Variants in SMCHD1 observed in about 807,000 individuals in gnomAD.
SMCHD1 encodes the protein structural maintenance of chromosomes flexible hinge domain-containing protein 1.
SMCHD1 carries 78 observed loss-of-function variants against 254.7 expected under a neutral mutation model. That is an observed-to-expected ratio of 0.31 (90% confidence interval 0.26 to 0.37). The LOEUF (loss-of-function observed/expected upper bound fraction) is 0.37, where lower values mean the gene tolerates loss of function less well. Ranked by LOEUF, SMCHD1 falls within the 10% of genes least tolerant of loss-of-function variation. The pLI is 1.00. For synonymous variants in SMCHD1, 766 were observed against 794.9 expected, an observed-to-expected ratio of 0.96 and a Z score of 0.61; for missense variants, 1,840 against 2,408.1, an observed-to-expected ratio of 0.76 and a Z score of 4.94.
In SMCHD1 at chr18:2,697,015, A is replaced by G. The variant is rs1265347983; in HGVS notation, c.1041-17A>G. ...TTATGTGAATTAAAAGTATAAAATT[A>G]TTCTTCTCTATTTTAGGCATATTTA... On this transcript the variant is annotated splice_polypyrimidine_tract_variant and intron_variant, in intron 8 of 47. Transcript: ENST00000320876. The G allele has an allele frequency of 2.8e-6, 3 of 1,081,912 alleles. No individual in the cohort carries two copies. Among genetic ancestry groups the G allele is most frequent in the African/African-American group, 1.6e-5 (1 of 61,256 alleles). 67.0% of individuals were successfully genotyped at this position (1,081,912 alleles called of 1,614,324 possible). A position where few individuals can be genotyped will look rare whatever the true frequency, so the allele number is the denominator to read the frequency against.
At chr18:2,722,828 A>G (rs185643998) in intron 20 of SMCHD1, among the ~76,000 whole-genome samples, 165 bp downstream of exon 20, 8 of 152,264 alleles carry the variant, frequency 5.3e-5, no homozygotes, top group Non-Finnish European at 1.0e-4. Context: ...ATCCTCTGTG[A>G]CTAGTGTCAT....
chr18:2,760,777 C>A, intron 35 of SMCHD1, 38 bp downstream of exon 35: 2 of 1,248,968 alleles, frequency 1.6e-6, no homozygotes, highest in Non-Finnish European at 2.3e-6. Context: ...GTTAGCTTTA[C>A]ATTTTCTTTT....
rs2073682471 is a variant in SMCHD1 at position 2,674,056 on chromosome 18, A to G, written c.549A>G (p.Ile183Met). The G allele has an allele frequency of 6.3e-7, 1 of 1,598,738 alleles. No homozygotes were observed. Among genetic ancestry groups the G allele is most frequent in the Non-Finnish European group, 8.5e-7 (1 of 1,171,890 alleles). The change falls in exon 5 of 48, where the codon ATA (isoleucine) becomes ATG (methionine). Residue 183 changes from isoleucine to methionine, a missense_variant. Physicochemically the swap from Ile to Met is conservative, Grantham distance 10 (BLOSUM62 1). Coordinates refer to ENST00000320876, the MANE Select transcript of SMCHD1 (RefSeq NM_015295.3). ...AAGGAAAACCTGCTGTTGCAGTGATAGATAATGGAAGAGGAATGACCTCTA... is the reference window on the plus strand; with the variant it reads ...AAGGAAAACCTGCTGTTGCAGTGATGGATAATGGAAGAGGAATGACCTCTA... Reference protein sequence around the residue: ...ETQGKPAVAVIDNGRGMTSKQ... With the variant: ...ETQGKPAVAVMDNGRGMTSKQ...
chr18:2,718,159 T>G lies in SMCHD1; in HGVS notation c.2262T>G (p.Ser754=). ...LLVELKVILH[S]SSGNKEIISH... ...TTGTTTCTTTTTTCTTTTATTAAGC[T>G]TCAAGTGGAAATAAAGAGATTATTT... The change falls in exon 18 of 48, where the codon TCT becomes TCG. Residue 754 remains serine (S), a splice_region_variant and synonymous_variant. Transcript: ENST00000320876. The surrounding 1 kb of genome is among the most constrained non-coding windows in gnomAD (Gnocchi z 4.6). 1 of 1,605,498 alleles carries G rather than the reference T, an allele frequency of 6.2e-7. No homozygotes were observed. The highest frequency in any genetic ancestry group is 8.5e-7 in the Non-Finnish European group (1 of 1,175,922).
At position 2,750,595 on chromosome 18, in the gene SMCHD1, G is replaced by T. The variant is rs1185629658; in HGVS notation, c.4165+88G>T. 2.7e-6 allele frequency: 3 copies of T among 1,130,154 alleles called. No individual in the cohort carries two copies. In the East Asian group the frequency reaches 7.9e-5, roughly 30 times the overall value. 70.0% of individuals were successfully genotyped at this position (1,130,154 alleles called of 1,614,324 possible). ...AAATTACTTATCCTAGGTTAAGTGT[G>T]CTCAGTCTAATGTAGGAGACAGGGA... On this transcript the variant is annotated intron_variant, in intron 32 of 47. Coordinates refer to ENST00000320876, the MANE Select transcript of SMCHD1 (RefSeq NM_015295.3).
Position 2,803,215 on chromosome 18 carries a change from T to TATATATAC in SMCHD1, c.*666_*667insTATACATA, listed in dbSNP as rs2076394628. 6.8e-6 allele frequency: 1 copy of TATATATAC among 147,400 alleles called. No homozygotes were observed. The highest frequency in any genetic ancestry group is 2.5e-5 in the African/African-American group (1 of 40,684). The allele number at this position is 147,400 out of a possible 1,614,324, so 9.1% of individuals were successfully genotyped here. On this transcript the variant is annotated 3_prime_UTR_variant, in exon 48 of 48. Coordinates refer to ENST00000320876, the MANE Select transcript of SMCHD1 (RefSeq NM_015295.3). ...GTGTGTGTGTATATATATATATATA[T>TATATATAC]ATAAATATATATATATAAAATATTC...
At chr18:2,783,513 C>G (rs947453447) in intron 44 of SMCHD1, among the ~76,000 whole-genome samples, 6 of 151,870 alleles carry the variant, frequency 4.0e-5, no homozygotes, top group African/African-American at 1.5e-4. Context: ...CAAGAACATT[C>G]TTCTAGATTA....
At chr18:2,731,330 ATAATG>A (rs2075135385) in intron 24 of SMCHD1, among the ~76,000 whole-genome samples, 1 of 152,242 alleles carries the variant, frequency 6.6e-6, no homozygotes, top group Admixed American at 6.5e-5. Context: ...AGATTATGAA[ATAATG>A]TAATATTTTA....
chr18:2,704,600 G>A (rs2074473698), intron 13 of SMCHD1, among the ~76,000 whole-genome samples: 2 of 144,602 alleles, frequency 1.4e-5, no homozygotes, highest in Non-Finnish European at 3.0e-5. Context: ...GAGAAGAGGA[G>A]AGGATTTTTT....
At chr18:2,790,013 C>T (rs1228982831) in intron 45 of SMCHD1, among the ~76,000 whole-genome samples, 1 of 151,978 alleles carries the variant, frequency 6.6e-6, no homozygotes, top group African/African-American at 2.4e-5. Flanking sequence ...GAAACCCCGT[C>T]TCTACTAAAA....
chr18:2,789,771 C>T (rs2076291444), intron 45 of SMCHD1, among the ~76,000 whole-genome samples: 2 of 152,194 alleles, frequency 1.3e-5, no homozygotes, highest in Non-Finnish European at 2.9e-5. Flanking sequence ...TGAGGAGCAT[C>T]TGTATTATTT....
rs2075399464 is a variant in SMCHD1 at position 2,743,914 on chromosome 18, C to T, written c.3787C>T (p.Pro1263Ser). Residue 1263 changes from proline to serine, a missense_variant, in exon 29 of 48, where the codon CCA (proline) becomes TCA (serine). Coordinates refer to ENST00000320876, the MANE Select transcript of SMCHD1 (RefSeq NM_015295.3). ...TGCTAAACTTCTCCTTATAGACTGGCCAGAACTAAAGGAGGTAAGTCACTT... is the reference window on the plus strand; with the variant it reads ...TGCTAAACTTCTCCTTATAGACTGGTCAGAACTAAAGGAGGTAAGTCACTT... The part of the protein sequence containing the change: ...PPAKLLLIDW[P>S]ELKESIPVIN... 2.5e-6 allele frequency: 4 copies of T among 1,610,400 alleles called. No homozygotes were observed. In the African/African-American group the frequency reaches 5.4e-5, roughly 22 times the overall value.
intron 47 of SMCHD1, among the ~76,000 whole-genome samples, chr18:2,798,320 G>A (rs2076297932): frequency 6.6e-6 from 1 of 152,196 alleles, no homozygotes; most frequent in Non-Finnish European, 1.5e-5. Context: ...ATGGGCATGA[G>A]GTGTATACAG....
intron 7 of SMCHD1, chr18:2,691,723 A>C (rs987786765): frequency 6.6e-6 from 1 of 152,256 alleles, no homozygotes; most frequent in Non-Finnish European, 1.5e-5. Context: ...AGCCTTCTAG[A>C]ATGATGCCAG....
chr18:2,770,240 A>T, intron 39 of SMCHD1, 132 bp downstream of exon 39: 1 of 829,150 alleles, frequency 1.2e-6, no homozygotes, highest in Non-Finnish European at 1.8e-6. Flanking sequence ...AAAGGTGGTA[A>T]TGATGGTTGA....
rs1173742117 is a variant in SMCHD1, at chr18:2,666,858, T to C, written c.263-12T>C. ...CTGACCTAGCACTTATGATTTTCAC[T>C]CTTGATTACAGATGAAACTGTTAAA... On this transcript the variant is annotated splice_polypyrimidine_tract_variant and intron_variant, in intron 2 of 47. Transcript: ENST00000320876. 1.6e-5 allele frequency: 26 copies of C among 1,599,578 alleles called. No individual in the cohort carries two copies. Among genetic ancestry groups the C allele is most frequent in the Non-Finnish European group, 2.0e-5 (24 of 1,171,000 alleles).
At chr18:2,665,981 A>T (rs965109921) in intron 1 of SMCHD1, among the ~76,000 whole-genome samples, 176 bp from the exon 2 acceptor site, 3 of 152,226 alleles carry the variant, frequency 2.0e-5, no homozygotes, top group African/African-American at 4.8e-5. Context: ...ATATAGATTT[A>T]TGCACTATTA....
chr18:2,797,347 A>G (rs1376378710), intron 47 of SMCHD1, among the ~76,000 whole-genome samples: 1 of 152,234 alleles, frequency 6.6e-6, no homozygotes. Flanking sequence ...ACAGAAGGAT[A>G]TCATGGTACT....
rs576200230 is a variant in SMCHD1, at chr18:2,662,923, C to CT, written c.187-3227dup. ...AATTAATTACTTTCTTTATGTTTGA[C>CT]TTTTTTTCAGTCATATCAGCAGTGT... On this transcript the variant is annotated intron_variant, in intron 1 of 47. Transcript: ENST00000320876. Among the ~76,000 whole-genome samples, 135 of 152,214 alleles carry CT rather than the reference C, an allele frequency of 8.9e-4. 1 individual carries two copies. The highest frequency in any genetic ancestry group is 3.2e-3 in the African/African-American group (132 of 41,548).
Sources: gnomAD v4.1 joint callset for allele counts (sites outside exome capture counted in the v4.1 genomes callset) on GRCh38, gnomAD v4.1.1 for gene constraint, Gnocchi (gnomAD v3.1) non-coding constraint, MANE v1.5 for transcripts, NCBI Gene and HGNC (gene_info 2026-07-23, HGNC 2026-07-21) for gene names.